DISP1: variants seen among roughly 807,000 people sequenced by gnomAD.
DISP1 encodes the protein dispatched RND transporter family member 1, also known as protein dispatched homolog 1.
In DISP1, 30 loss-of-function variants were observed where a neutral mutation model predicts 37.3. The observed-to-expected ratio is 0.80, with a 90% CI of 0.60 to 1.09. DISP1 has a LOEUF of 1.09. Among genes scored for constraint, DISP1 ranks in the 50% least tolerant of loss-of-function variants. DISP1 has a pLI of 0.00. For synonymous variants in DISP1, 634 were observed against 690.2 expected, an observed-to-expected ratio of 0.92 and a Z score of 1.28; for missense variants, 1,598 against 1,879.5, an observed-to-expected ratio of 0.85 and a Z score of 2.77.
intron 1 of DISP1, among the ~76,000 whole-genome samples, chr1:222,906,209 G>C (rs1005169247): frequency 3.3e-5 from 5 of 152,030 alleles, no homozygotes; most frequent in Non-Finnish European, 7.4e-5. Context: ...GCTCTTTTTA[G>C]AGCTCTCTAA....
intron 1 of DISP1, among the ~76,000 whole-genome samples, chr1:222,836,220 A>G (rs1273229034): frequency 6.6e-6 from 1 of 152,190 alleles, no homozygotes; most frequent in African/African-American, 2.4e-5. Context: ...TAAGCGTGCT[A>G]GGTTTTAGAG....
At chr1:222,912,439 T>G (rs1241297577) in intron 1 of DISP1, among the ~76,000 whole-genome samples, 1 of 152,246 alleles carries the variant, frequency 6.6e-6, no homozygotes, top group Admixed American at 6.5e-5. Flanking sequence ...TCCCTCAGAT[T>G]GCCTTAGCTT....
chr1:222,921,658 G>A (rs993732848), intron 1 of DISP1, among the ~76,000 whole-genome samples: 2 of 152,082 alleles, frequency 1.3e-5, no homozygotes, highest in Non-Finnish European at 2.9e-5. Context: ...TTTGTATGCT[G>A]AATATTAATT....
rs141490866 is a variant in DISP1, at chr1:222,912,709, T to A, written c.-158-15721T>A. 8.5e-3 allele frequency among the ~76,000 whole-genome samples: 1,293 copies of A among 152,344 alleles called. 26 individuals carry two copies. The highest frequency in any genetic ancestry group is 0.055 in the Admixed American group (843 of 15,294). On this transcript the variant is annotated intron_variant, in intron 1 of 8. Coordinates refer to ENST00000675850, the MANE Select transcript of DISP1 (RefSeq NM_001377229.1). ...TATAGTGAGTTGACTCATGGATTAA[T>A]CAAAGTGTTTCTTTTTAACTTTATT...
intron 1 of DISP1, among the ~76,000 whole-genome samples, chr1:222,868,762 C>T (rs1669346251): frequency 6.6e-6 from 1 of 152,062 alleles, no homozygotes; most frequent in South Asian, 2.1e-4. Context: ...AACATATGTA[C>T]AGAAAGGAGC....
At chr1:222,868,873 A>G (rs1253809944) in intron 1 of DISP1, among the ~76,000 whole-genome samples, 1 of 152,174 alleles carries the variant, frequency 6.6e-6, no homozygotes, top group African/African-American at 2.4e-5. Context: ...TTATTTTAGA[A>G]ATCTTTTAAA....
intron 1 of DISP1, among the ~76,000 whole-genome samples, chr1:222,852,246 T>TC (rs960067310): frequency 2.6e-5 from 4 of 152,152 alleles, no homozygotes; most frequent in African/African-American, 9.7e-5. Flanking sequence ...TTGGGGTTTT[T>TC]TTTTTTAAAG....
rs143655104 is a variant in DISP1, at chr1:222,879,033, G to A, written c.-158-49397G>A. On this transcript the variant is annotated intron_variant, in intron 1 of 8. Coordinates refer to ENST00000675850, the MANE Select transcript of DISP1 (RefSeq NM_001377229.1). Reference sequence around the variant, plus strand: ...AGCTTGGTTCTTTGTCTGGTTCTTCGTTTCTTCTTTGGAGCAGTTAGAGAG... The same window carrying A: ...AGCTTGGTTCTTTGTCTGGTTCTTCATTTCTTCTTTGGAGCAGTTAGAGAG... Among the ~76,000 whole-genome samples, 665 of 152,138 alleles carry A rather than the reference G, an allele frequency of 4.4e-3. 13 individuals are homozygous for A. The highest frequency in any genetic ancestry group is 0.018 in the Admixed American group (275 of 15,274).
chr1:222,937,687 T>C (rs1401805667), intron 2 of DISP1, among the ~76,000 whole-genome samples: 1 of 152,108 alleles, frequency 6.6e-6, no homozygotes, highest in Non-Finnish European at 1.5e-5. Context: ...GATTAGAAGC[T>C]TGAATTTGTT....
chr1:222,883,478 G>A (rs1018747043), intron 1 of DISP1, among the ~76,000 whole-genome samples: 36 of 152,162 alleles, frequency 2.4e-4, no homozygotes, highest in African/African-American at 8.0e-4. Context: ...ATTGTTGGGC[G>A]TGGTGGCACA....
intron 1 of DISP1, among the ~76,000 whole-genome samples, chr1:222,848,410 C>CA (rs34786511): frequency 6.6e-6 from 1 of 151,344 alleles, no homozygotes; most frequent in East Asian, 1.9e-4. Flanking sequence ...GAGTAAATTA[C>CA]AAAAAAAGTA....
intron 1 of DISP1, among the ~76,000 whole-genome samples, chr1:222,846,486 T>C (rs150322481): frequency 0.02 from 2,970 of 151,852 alleles, 76 homozygotes; most frequent in African/African-American, 0.063. Flanking sequence ...AGTGAAACTC[T>C]GTCTCAAAAA....
chr1:222,902,915 T>C (rs1671678105), intron 1 of DISP1, among the ~76,000 whole-genome samples: 1 of 151,452 alleles, frequency 6.6e-6, no homozygotes, highest in Non-Finnish European at 1.5e-5. Flanking sequence ...GATCTAGAAC[T>C]AGAAATACCA....
chr1:222,851,288 A>T (rs185240905), intron 1 of DISP1, among the ~76,000 whole-genome samples: 193 of 151,264 alleles, frequency 1.3e-3, no homozygotes, highest in Admixed American at 4.3e-3. Context: ...CTGGTCTTGA[A>T]CTCCTGAACT....
chr1:222,863,816 CT>C (rs1466461686), intron 1 of DISP1, among the ~76,000 whole-genome samples: 1 of 152,144 alleles, frequency 6.6e-6, no homozygotes, highest in Non-Finnish European at 1.5e-5. Flanking sequence ...TCCCTGCAAA[CT>C]GTTCCTTTGT....
chr1:222,905,724 C>T (rs1023357379), intron 1 of DISP1, among the ~76,000 whole-genome samples: 2 of 152,024 alleles, frequency 1.3e-5, no homozygotes, highest in Admixed American at 6.5e-5. Flanking sequence ...CTGAAAGCTT[C>T]CTTTATCATT....
intron 1 of DISP1, among the ~76,000 whole-genome samples, chr1:222,914,058 C>G (rs1672362956): frequency 7.2e-6 from 1 of 138,620 alleles, no homozygotes; most frequent in Non-Finnish European, 1.5e-5. Context: ...GCTAGGTGAT[C>G]TGAAGGAAAT....
At chr1:222,887,486 GTTTTTTTTT>G (rs940346379) in intron 1 of DISP1, among the ~76,000 whole-genome samples, 2 of 83,112 alleles carry the variant, frequency 2.4e-5, no homozygotes, top group Admixed American at 1.5e-4. Context: ...CATTGTTTTT[GTTTTTTTTT>G]TTTTTTTTTT....
intron 1 of DISP1, among the ~76,000 whole-genome samples, chr1:222,827,820 T>TG: frequency 6.6e-6 from 1 of 152,274 alleles, no homozygotes; most frequent in African/African-American, 2.4e-5. Context: ...AAAATAAACT[T>TG]GAGATACTAC....
Sources: gnomAD v4.1 joint callset for allele counts (sites outside exome capture counted in the v4.1 genomes callset) on GRCh38, gnomAD v4.1.1 for gene constraint, MANE v1.5 for transcripts, NCBI Gene and HGNC (gene_info 2026-07-23, HGNC 2026-07-21) for gene names.